The following DEPDC1B variants were observed in gnomAD, a reference collection of about 807,000 sequenced individuals.
DEPDC1B encodes DEP domain-containing protein 1B.
A neutral mutation model predicts 66.5 loss-of-function variants in DEPDC1B; 51 were observed. The ratio of observed to expected loss-of-function variants is 0.77; its 90% CI spans 0.61 to 0.97. The LOEUF (loss-of-function observed/expected upper bound fraction) is 0.97, where lower values mean the gene tolerates loss of function less well. Ranked by LOEUF, DEPDC1B falls within the 50% of genes least tolerant of loss-of-function variation. DEPDC1B has a pLI of 0.00. For missense variants in DEPDC1B, 552 were observed against 637.1 expected (o/e 0.87, Z 1.44); for synonymous variants, 226 against 223.6 (o/e 1.01, Z -0.10).
At chr5:60,680,592 C>G (rs149108229) in intron 2 of DEPDC1B, among the ~76,000 whole-genome samples, 1 of 152,020 alleles carries the variant, frequency 6.6e-6, no homozygotes, top group South Asian at 2.1e-4. Context: ...AAAAAGAACC[C>G]TTATATTTTA....
intron 2 of DEPDC1B, among the ~76,000 whole-genome samples, chr5:60,685,252 C>T (rs1382194525): frequency 3.3e-5 from 5 of 152,088 alleles, no homozygotes; most frequent in Admixed American, 2.0e-4. Flanking sequence ...ATTCAAGGCA[C>T]GGGCACCTTA....
Position 60,622,515 on chromosome 5 carries a change from A to C in DEPDC1B, c.898+16235T>G, listed in dbSNP as rs568775791. Among the ~76,000 whole-genome samples the C allele has an allele frequency of 3.7e-4, 56 of 152,336 alleles. 1 individual carries two copies. In the South Asian group the frequency reaches 0.011, roughly 31 times the overall value. On this transcript the variant is annotated intron_variant, in intron 7 of 10. Transcript: ENST00000265036. ...TATGAATAAAGCTGCTATGAACACCACACAATTTGTGTGAACACATGTGTT... is the reference window on the plus strand; with the variant it reads ...TATGAATAAAGCTGCTATGAACACCCCACAATTTGTGTGAACACATGTGTT...
At position 60,687,061 on chromosome 5, in the gene DEPDC1B, G is replaced by A. The variant is rs781762834; in HGVS notation, c.215C>T (p.Thr72Met). 1.6e-5 allele frequency: 26 copies of A among 1,614,156 alleles called. No homozygotes were observed. The highest frequency in any genetic ancestry group is 6.7e-5 in the Admixed American group (4 of 60,018). ...CAGGAATTTTTTTAGCAGCTGGACC[G>A]TTTGTTTGCGGGTCACTTCAGGGCC... Reference protein sequence around the residue: ...NFGPEVTRKQTVQLLKKFLKN... With the variant: ...NFGPEVTRKQMVQLLKKFLKN... Residue 72 changes from threonine (T) to methionine (M), a missense_variant, in exon 2 of 11, where the codon ACG becomes ATG. Thr to Met is a moderately conservative substitution (Grantham distance 81). Coordinates refer to ENST00000265036, the MANE Select transcript of DEPDC1B (RefSeq NM_018369.3).
At chr5:60,684,853 C>T (rs537855813) in intron 2 of DEPDC1B, among the ~76,000 whole-genome samples, 7 of 152,138 alleles carry the variant, frequency 4.6e-5, no homozygotes, top group African/African-American at 1.7e-4. Flanking sequence ...GACTAATATC[C>T]AGAATATACA....
chr5:60,654,055 T>C (rs1753520720), intron 2 of DEPDC1B, among the ~76,000 whole-genome samples: 1 of 149,482 alleles, frequency 6.7e-6, no homozygotes, highest in Non-Finnish European at 1.5e-5. Flanking sequence ...TCCAGATTTG[T>C]TCTTTTTGCT....
At chr5:60,634,978 G>A (rs756109472) in intron 7 of DEPDC1B, among the ~76,000 whole-genome samples, 7 of 149,168 alleles carry the variant, frequency 4.7e-5, no homozygotes, top group Non-Finnish European at 8.9e-5. Flanking sequence ...AGAATCACTT[G>A]AACCCAGAAG....
chr5:60,682,848 T>C (rs566714952), intron 2 of DEPDC1B, among the ~76,000 whole-genome samples: 1 of 152,236 alleles, frequency 6.6e-6, no homozygotes, highest in African/African-American at 2.4e-5. Flanking sequence ...TACTAATGAA[T>C]TCTACCACAC....
Position 60,690,589 on chromosome 5 carries a change from G to A in DEPDC1B, c.49-3362C>T, listed in dbSNP as rs7708849. On this transcript the variant is annotated intron_variant, in intron 1 of 10. Coordinates refer to ENST00000265036, the MANE Select transcript of DEPDC1B (RefSeq NM_018369.3). Reference sequence around the variant, plus strand: ...CCTCCTAAAGTCCTTAAAATTCATAGTCATATTCTCATTTTCTCTTACTCT... The same window carrying A: ...CCTCCTAAAGTCCTTAAAATTCATAATCATATTCTCATTTTCTCTTACTCT... 2.5e-3 allele frequency among the ~76,000 whole-genome samples: 379 copies of A among 152,190 alleles called. 1 individual carries two copies. Among genetic ancestry groups the A allele is most frequent in the Non-Finnish European group, 4.2e-3 (288 of 68,024 alleles).
intron 7 of DEPDC1B, among the ~76,000 whole-genome samples, chr5:60,607,696 A>G (rs903368548): frequency 2.6e-5 from 4 of 152,266 alleles, no homozygotes; most frequent in South Asian, 2.1e-4. Context: ...AAACACTTCT[A>G]TCATTTTCAG....
chr5:60,658,371 T>C (rs1753626314), intron 2 of DEPDC1B, among the ~76,000 whole-genome samples: 1 of 152,208 alleles, frequency 6.6e-6, no homozygotes. Flanking sequence ...TAAAGAACCT[T>C]GTTTTGTTAT....
intron 7 of DEPDC1B, among the ~76,000 whole-genome samples, chr5:60,622,507 T>C (rs2111790669): frequency 6.6e-6 from 1 of 152,344 alleles, no homozygotes; most frequent in Admixed American, 6.5e-5. Flanking sequence ...AAAGCTGCTA[T>C]GAACACCACA....
chr5:60,612,801 T>C (rs973671561), intron 7 of DEPDC1B, among the ~76,000 whole-genome samples: 1 of 150,838 alleles, frequency 6.6e-6, no homozygotes, highest in Non-Finnish European at 1.5e-5. Flanking sequence ...AAAAGAGAAA[T>C]GGTGAAAGGT....
Position 60,681,488 on chromosome 5 carries a change from G to C in DEPDC1B, c.314+5474C>G, listed in dbSNP as rs371513516. On this transcript the variant is annotated intron_variant, in intron 2 of 10. Coordinates refer to ENST00000265036, the MANE Select transcript of DEPDC1B (RefSeq NM_018369.3). The stretch of plus-strand genomic sequence containing the variant: ...CTCTAACCAGCCAACACTATAGATA[G>C]ATCTACAGGAAAAAAGTCTTTACCT... Among the ~76,000 whole-genome samples the C allele has an allele frequency of 2.0e-4, 31 of 152,216 alleles. 1 individual carries two copies. The South Asian group carries it at 5.0e-3, about 24-fold the overall frequency.
intron 1 of DEPDC1B, among the ~76,000 whole-genome samples, chr5:60,694,489 T>C (rs902003758): frequency 1.3e-5 from 2 of 152,166 alleles, no homozygotes; most frequent in African/African-American, 2.4e-5. Flanking sequence ...TTTAAATCAG[T>C]TGTAGCAATT....
intron 2 of DEPDC1B, among the ~76,000 whole-genome samples, chr5:60,675,165 G>C (rs79730084): frequency 0.071 from 10,869 of 152,172 alleles, 663 homozygotes; most frequent in East Asian, 0.2. Flanking sequence ...TCTCACCCCT[G>C]TCGGTTTCCA....
At chr5:60,619,550 C>G (rs373751023) in intron 7 of DEPDC1B, among the ~76,000 whole-genome samples, 23 of 152,056 alleles carry the variant, frequency 1.5e-4, no homozygotes, top group Admixed American at 8.5e-4. Flanking sequence ...TTGCTTCAAA[C>G]AGAATAAAAT....
intron 7 of DEPDC1B, among the ~76,000 whole-genome samples, chr5:60,617,614 A>T (rs1406376751): frequency 6.6e-6 from 1 of 152,240 alleles, no homozygotes; most frequent in Non-Finnish European, 1.5e-5. Context: ...TGCACCCAAT[A>T]CAGGAGCAGC....
chr5:60,652,126 C>T (rs1753472079), intron 2 of DEPDC1B, among the ~76,000 whole-genome samples: 1 of 149,246 alleles, frequency 6.7e-6, no homozygotes, highest in African/African-American at 2.5e-5. Flanking sequence ...ATTTAATAAG[C>T]TAAAGGAAGA....
intron 2 of DEPDC1B, among the ~76,000 whole-genome samples, chr5:60,663,973 A>G (rs1753778222): frequency 6.6e-6 from 1 of 152,258 alleles, no homozygotes; most frequent in African/African-American, 2.4e-5. Flanking sequence ...GTTCCTTGGC[A>G]TAACAGGCTT....
Sources: gnomAD v4.1 joint callset for allele counts (sites outside exome capture counted in the v4.1 genomes callset) on GRCh38, gnomAD v4.1.1 for gene constraint, MANE v1.5 for transcripts, NCBI Gene and HGNC (gene_info 2026-07-23, HGNC 2026-07-21) for gene names.